The following ZBTB20 variants were observed in gnomAD, a reference collection of about 807,000 sequenced individuals.
ZBTB20 encodes the protein zinc finger and BTB domain containing 20.
Under a neutral mutation model 56.9 loss-of-function variants are expected in ZBTB20, and 9 were observed. The ratio of observed to expected loss-of-function variants is 0.16; its 90% CI spans 0.10 to 0.28. The LOEUF is 0.28. Ranked by LOEUF, ZBTB20 falls within the 10% of genes least tolerant of loss-of-function variation. The probability of loss-of-function intolerance (pLI) is 1.00; values close to 1 mark genes in which losing one functional copy is unlikely to be tolerated. For synonymous variants in ZBTB20, 417 were observed against 420.7 expected (o/e 0.99, Z 0.11); for missense variants, 655 against 1,003.0 (o/e 0.65, Z 4.69).
chr3:114,732,480 A>G (rs1472308444), intron 5 of ZBTB20, among the ~76,000 whole-genome samples: 4 of 152,114 alleles, frequency 2.6e-5, no homozygotes, highest in Non-Finnish European at 5.9e-5. Context: ...GTAGAGGAAA[A>G]TGTACTATGA....
At chr3:114,604,048 T>C (rs1012490380) in intron 6 of ZBTB20, among the ~76,000 whole-genome samples, 1 of 152,104 alleles carries the variant, frequency 6.6e-6, no homozygotes, top group African/African-American at 2.4e-5. Context: ...TTTCTGAGAA[T>C]TTATCCTGCA....
At position 114,628,924 on chromosome 3, in the gene ZBTB20, TA is replaced by T. The variant is rs757413062; in HGVS notation, c.-295+64603del. Among the ~76,000 whole-genome samples, 332 of 151,318 alleles carry T rather than the reference TA, an allele frequency of 2.2e-3. 1 individual carries two copies. The highest frequency in any genetic ancestry group is 3.4e-3 in the Middle Eastern group (1 of 292). ...TTCATCCAGTTTGTCCATATTTTGT[TA>T]AAAAAAAAGTAATAGGTTAGCTATC... is the stretch of plus-strand genomic sequence containing the variant. On this transcript the variant is annotated intron_variant, in intron 6 of 11. Transcript: ENST00000675478.
intron 4 of ZBTB20, among the ~76,000 whole-genome samples, chr3:114,830,474 T>C (rs1362280716): frequency 6.6e-6 from 1 of 151,910 alleles, no homozygotes; most frequent in East Asian, 1.9e-4. Flanking sequence ...AATAAGAGAA[T>C]AATTAGGACT....
intron 2 of ZBTB20, among the ~76,000 whole-genome samples, chr3:115,042,537 A>G (rs932093802): frequency 1.3e-5 from 2 of 152,228 alleles, no homozygotes; most frequent in Non-Finnish European, 2.9e-5. Context: ...AGTTAAAAAA[A>G]GAAATATTTT....
rs948326871 is a variant in ZBTB20, at chr3:114,615,200, CACTTAATAAAT to C, written c.-295+78317_-295+78327del. 5.3e-5 allele frequency among the ~76,000 whole-genome samples: 8 copies of C among 152,152 alleles called. 1 individual carries two copies. The highest frequency in any genetic ancestry group is 1.9e-4 in the African/African-American group (8 of 41,444). ...TTTCCTGGAGTCAATTTTAAAGTATCACTTAATAAATACTATTTGACAATTTGCAAATTTAT... is the reference window on the plus strand; with the variant it reads ...TTTCCTGGAGTCAATTTTAAAGTATCACTATTTGACAATTTGCAAATTTAT... On this transcript the variant is annotated intron_variant, in intron 6 of 11. Coordinates refer to ENST00000675478, the MANE Select transcript of ZBTB20 (RefSeq NM_001348800.3).
At chr3:114,689,243 T>C (rs1433034273) in intron 6 of ZBTB20, among the ~76,000 whole-genome samples, 1 of 152,102 alleles carries the variant, frequency 6.6e-6, no homozygotes, top group Non-Finnish European at 1.5e-5. Flanking sequence ...GTGTTATGCA[T>C]CCAATAAAGT....
At chr3:114,934,556 C>A (rs1019381394) in intron 3 of ZBTB20, among the ~76,000 whole-genome samples, 20 of 152,098 alleles carry the variant, frequency 1.3e-4, no homozygotes, top group African/African-American at 4.8e-4. Context: ...CATCTCTTTT[C>A]CTTAAGTTAC....
intron 6 of ZBTB20, among the ~76,000 whole-genome samples, chr3:114,515,301 G>A (rs2045858166): frequency 6.6e-6 from 1 of 152,072 alleles, no homozygotes; most frequent in South Asian, 2.1e-4. Context: ...GCCCATGGTT[G>A]TTAACTTTAG....
At chr3:115,000,075 T>G (rs552501322) in intron 2 of ZBTB20, among the ~76,000 whole-genome samples, 1 of 151,614 alleles carries the variant, frequency 6.6e-6, no homozygotes, top group Non-Finnish European at 1.5e-5. Context: ...AAATGCCATC[T>G]CGTAGAGTGC....
At chr3:114,764,832 G>A (rs1471073579) in intron 5 of ZBTB20, among the ~76,000 whole-genome samples, 1 of 152,142 alleles carries the variant, frequency 6.6e-6, no homozygotes, top group East Asian at 1.9e-4. Context: ...CAAAAACCCA[G>A]AAGAGGGAAA....
Position 115,034,348 on chromosome 3 carries a change from C to CA in ZBTB20, c.-507+36870dup, listed in dbSNP as rs368796379. On this transcript the variant is annotated intron_variant, in intron 2 of 11. Transcript: ENST00000675478. Reference sequence around the variant, plus strand: ...AAAAAACATATTCCACAATTTCCACCAAAAAAAAACCCTGTTAGAACTAAT... The same window carrying CA: ...AAAAAACATATTCCACAATTTCCACCAAAAAAAAAACCCTGTTAGAACTAAT... Among the ~76,000 whole-genome samples, 107 of 148,816 alleles carry CA rather than the reference C, an allele frequency of 7.2e-4. No individual in the cohort carries two copies. The South Asian group carries it at 9.8e-3, about 14-fold the overall frequency.
intron 5 of ZBTB20, among the ~76,000 whole-genome samples, chr3:114,729,580 C>A (rs1023118259): frequency 6.6e-6 from 1 of 152,116 alleles, no homozygotes; most frequent in Non-Finnish European, 1.5e-5. Flanking sequence ...TCACAAGAGA[C>A]AGAGGTTTCA....
intron 7 of ZBTB20, among the ~76,000 whole-genome samples, chr3:114,468,427 G>T (rs1050585940): frequency 2.0e-5 from 3 of 152,080 alleles, no homozygotes; most frequent in Non-Finnish European, 4.4e-5. Flanking sequence ...TTTTGTATAT[G>T]TACATATTTT....
At chr3:114,528,546 T>C (rs962166771) in intron 6 of ZBTB20, 9 of 152,202 alleles carry the variant, frequency 5.9e-5, no homozygotes, top group African/African-American at 1.9e-4. Context: ...TAAAATGAGA[T>C]GACTGAAATA....
At chr3:114,503,809 T>A (rs1169058297) in intron 6 of ZBTB20, among the ~76,000 whole-genome samples, 1 of 152,148 alleles carries the variant, frequency 6.6e-6, no homozygotes, top group East Asian at 1.9e-4. Flanking sequence ...AGTGTCAATC[T>A]CCAAGAATCA....
chr3:114,964,994 A>G (rs2077593630), intron 3 of ZBTB20, among the ~76,000 whole-genome samples: 1 of 152,184 alleles, frequency 6.6e-6, no homozygotes, highest in Admixed American at 6.5e-5. Flanking sequence ...GTGGAAAAAA[A>G]TTCCTAAAAT....
intron 4 of ZBTB20, among the ~76,000 whole-genome samples, chr3:114,822,094 C>G (rs1303659203): frequency 6.6e-6 from 1 of 151,890 alleles, no homozygotes; most frequent in Non-Finnish European, 1.5e-5. Flanking sequence ...AATATAGAAG[C>G]AGATTATTTC....
intron 6 of ZBTB20, among the ~76,000 whole-genome samples, chr3:114,672,519 T>C (rs2061408453): frequency 6.6e-6 from 1 of 152,142 alleles, no homozygotes. Flanking sequence ...AGTCCAGCCC[T>C]GCCCAAAAGA....
intron 4 of ZBTB20, among the ~76,000 whole-genome samples, chr3:114,876,985 A>C (rs776581450): frequency 6.6e-6 from 1 of 152,196 alleles, no homozygotes; most frequent in Non-Finnish European, 1.5e-5. Context: ...TATGCTGCCT[A>C]TTCATTTTTG....
Sources: allele counts gnomAD v4.1 joint callset (sites outside exome capture counted in the v4.1 genomes callset), GRCh38; gene constraint gnomAD v4.1.1; transcripts MANE v1.5; gene names NCBI Gene and HGNC (gene_info 2026-07-23, HGNC 2026-07-21).